Variants in ATP1B2 observed in about 807,000 individuals in gnomAD.
ATP1B2 encodes sodium/potassium-transporting ATPase subunit beta-2.
In ATP1B2, 12 loss-of-function variants were observed where a neutral mutation model predicts 37.3. The observed-to-expected ratio is 0.32, with a 90% CI of 0.21 to 0.52. The LOEUF (loss-of-function observed/expected upper bound fraction) is 0.52. Ranked by LOEUF, ATP1B2 falls within the 20% of genes least tolerant of loss-of-function variation. ATP1B2 has a pLI of 0.96. For missense variants in ATP1B2, 324 were observed against 391.6 expected, an observed-to-expected ratio of 0.83 and a Z score of 1.46; for synonymous variants, 139 against 140.5, an observed-to-expected ratio of 0.99 and a Z score of 0.07.
chr17:7,649,554 A>AT (rs528991905), upstream of ATP1B2, among the ~76,000 whole-genome samples: 1,745 of 132,678 alleles, frequency 0.013, 13 homozygotes, highest in Non-Finnish European at 0.018. Flanking sequence ...TGCCCAGCTA[A>AT]TTTTTTTTTT....
chr17:7,655,482 G>C lies in ATP1B2; in HGVS notation c.610-45G>C, dbSNP rs771123414. 1 of 1,588,698 alleles carries C rather than the reference G, an allele frequency of 6.3e-7. No individual in the cohort carries two copies. The highest frequency in any genetic ancestry group is 8.6e-7 in the Non-Finnish European group (1 of 1,157,622). ...AAGTCTGGTGAGCTCCTGGGTGCCT[G>C]CCATCCCTAACTGGCTCACCCCCTA... On this transcript the variant is annotated intron_variant, in intron 5 of 6. Transcript: ENST00000250111. This position sits in a 1 kb window ranked among gnomAD's most constrained non-coding sequence, Gnocchi z 4.4.
intron 2 of ATP1B2, 89 bp from the exon 3 acceptor site, chr17:7,653,752 C>T: frequency 1.4e-6 from 2 of 1,386,734 alleles, no homozygotes; most frequent in South Asian, 1.2e-5. Flanking sequence ...GCTGTCCCCA[C>T]TCTGGTGTTC....
upstream of ATP1B2, among the ~76,000 whole-genome samples, chr17:7,649,368 C>G (rs2072594559): frequency 6.6e-6 from 1 of 152,064 alleles, no homozygotes; most frequent in African/African-American, 2.4e-5. Context: ...GCCACTGGGC[C>G]TGGCCGAGAT....
At chr17:7,649,554 AT>A (rs528991905), upstream of ATP1B2, among the ~76,000 whole-genome samples, 2,244 of 132,616 alleles carry the variant, frequency 0.017, 47 homozygotes, top group African/African-American at 0.05. Flanking sequence ...TGCCCAGCTA[AT>A]TTTTTTTTTT....
chr17:7,656,410 T>C lies in ATP1B2; in HGVS notation c.*515T>C, dbSNP rs958089702. Reference sequence around the variant, plus strand: ...TTTCTCCCTGTCTACACAGTCGCCATCTTGGTGACTTTGAATTTATCTGGC... The same window carrying C: ...TTTCTCCCTGTCTACACAGTCGCCACCTTGGTGACTTTGAATTTATCTGGC... On this transcript the variant is annotated 3_prime_UTR_variant, in exon 7 of 7. Transcript: ENST00000250111. 6.3e-6 allele frequency: 1 copy of C among 158,214 alleles called. No homozygotes were observed. Among genetic ancestry groups the C allele is most frequent in the African/African-American group, 2.4e-5 (1 of 41,506 alleles). The allele number at this position is 158,214 out of a possible 1,614,324, so 9.8% of individuals were successfully genotyped here. A position where few individuals can be genotyped will look rare whatever the true frequency, so the allele number is the denominator to read the frequency against.
Position 7,655,272 on chromosome 17 carries a change from A to T in ATP1B2, c.610-255A>T, listed in dbSNP as rs1171719597. On this transcript the variant is annotated intron_variant, in intron 5 of 6. Coordinates refer to ENST00000250111, the MANE Select transcript of ATP1B2 (RefSeq NM_001678.5). The surrounding 1 kb of genome is among the most constrained non-coding windows in gnomAD (Gnocchi z 4.4). ...TGAGGATGGGGTAAGAACTTGGGGT[A>T]GGAGTGGAGTAGGAGGCTTTCGTGC... is the stretch of plus-strand genomic sequence containing the variant. 2 of 551,082 alleles carry T rather than the reference A, an allele frequency of 3.6e-6. No individual in the cohort carries two copies. Among genetic ancestry groups the T allele is most frequent in the Admixed American group, 3.3e-5 (1 of 30,134 alleles). The allele number at this position is 551,082 out of a possible 1,614,324, so 34.1% of individuals were successfully genotyped here. A position where few individuals can be genotyped will look rare whatever the true frequency, so the allele number is the denominator to read the frequency against.
At chr17:7,649,817 C>T (rs2072598699), upstream of ATP1B2, among the ~76,000 whole-genome samples, 1 of 151,950 alleles carries the variant, frequency 6.6e-6, no homozygotes, top group African/African-American at 2.4e-5. Context: ...CTCGGCCTCC[C>T]AAAGTGCTGG....
Position 7,651,480 on chromosome 17 carries a change from C to T in ATP1B2, c.-39C>T, listed in dbSNP as rs560489117. On this transcript the variant is annotated 5_prime_UTR_variant, in exon 1 of 7. Transcript: ENST00000250111. Reference sequence around the variant, plus strand: ...GCGCGGCGCCCCCGCTTCTCCGCAACCCCCCGCCCCGCGCCCGGACTCGCC... The same window carrying T: ...GCGCGGCGCCCCCGCTTCTCCGCAATCCCCCGCCCCGCGCCCGGACTCGCC... 9 of 1,529,412 alleles carry T rather than the reference C, an allele frequency of 5.9e-6. No individual in the cohort carries two copies. Among genetic ancestry groups the T allele is most frequent in the African/African-American group, 4.1e-5 (3 of 72,604 alleles). The allele number at this position is 1,529,412 out of a possible 1,614,324, so 94.7% of individuals were successfully genotyped here.
In ATP1B2 at chr17:7,655,031, C is replaced by T. The variant is rs1224416137; in HGVS notation, c.609+347C>T. Among the ~76,000 whole-genome samples the T allele has an allele frequency of 6.6e-6, 1 of 152,122 alleles. No individual in the cohort carries two copies. Among genetic ancestry groups the T allele is most frequent in the Non-Finnish European group, 1.5e-5 (1 of 68,032 alleles). ...ATCGTTCGCTCTCCCTCCCATATGGCCCCCACCCGTCAGTTCCTTCTAGGT... is the reference window on the plus strand; with the variant it reads ...ATCGTTCGCTCTCCCTCCCATATGGTCCCCACCCGTCAGTTCCTTCTAGGT... On this transcript the variant is annotated intron_variant, in intron 5 of 6. Transcript: ENST00000250111. This position sits in a 1 kb window ranked among gnomAD's most constrained non-coding sequence, Gnocchi z 4.4.
upstream of ATP1B2, among the ~76,000 whole-genome samples, chr17:7,650,461 C>T (rs189567824): frequency 6.6e-6 from 1 of 152,188 alleles, no homozygotes; most frequent in African/African-American, 2.4e-5. Context: ...TCCTAGCTTC[C>T]CTCCTGGCTC....
In ATP1B2 at chr17:7,654,186, T is replaced by G; in HGVS notation, c.481T>G (p.Ser161Ala). ...CAACCGGACCCAGCTGGGCAACTGC[T>G]CCGGCATTGGGGACTCCACCCACTA... ...QFNRTQLGNC[S>A]GIGDSTHYGY... Residue 161 changes from serine (S) to alanine (A), a missense_variant, in exon 4 of 7, where the codon TCC becomes GCC. Transcript: ENST00000250111. This position sits in a 1 kb window ranked among gnomAD's most constrained non-coding sequence, Gnocchi z 4.9. 1 of 1,614,176 alleles carries G rather than the reference T, an allele frequency of 6.2e-7. No individual in the cohort carries two copies. Among genetic ancestry groups the G allele is most frequent in the Non-Finnish European group, 8.5e-7 (1 of 1,180,028 alleles).
chr17:7,656,179 T>A lies in ATP1B2; in HGVS notation c.*284T>A. The stretch of plus-strand genomic sequence containing the variant: ...GGAGCCTTTCTAGTTCTGGTTTAGC[T>A]GTGAGAGCTATCCACTCTCCTGCCT... On this transcript the variant is annotated 3_prime_UTR_variant, in exon 7 of 7. Transcript: ENST00000250111. 1 of 469,956 alleles carries A rather than the reference T, an allele frequency of 2.1e-6. No homozygotes were observed. The allele number at this position is 469,956 out of a possible 1,614,324, so 29.1% of individuals were successfully genotyped here. A position where few individuals can be genotyped will look rare whatever the true frequency, so the allele number is the denominator to read the frequency against.
chr17:7,654,981 TCTC>T lies in ATP1B2; in HGVS notation c.609+300_609+302del, dbSNP rs1312597105. ...GCTTCTCTCCCTAACGCTTCCACCT[TCTC>T]CTTCATTCCCAGATTGTCCGTATCG... On this transcript the variant is annotated intron_variant, in intron 5 of 6. Coordinates refer to ENST00000250111, the MANE Select transcript of ATP1B2 (RefSeq NM_001678.5). The surrounding 1 kb of genome is among the most constrained non-coding windows in gnomAD (Gnocchi z 4.9). Among the ~76,000 whole-genome samples the T allele has an allele frequency of 1.3e-5, 2 of 151,884 alleles. No homozygotes were observed. Among genetic ancestry groups the T allele is most frequent in the Admixed American group, 6.6e-5 (1 of 15,234 alleles).
intron 1 of ATP1B2, 113 bp downstream of exon 1, chr17:7,651,743 C>G (rs1042071084): frequency 2.2e-6 from 2 of 925,590 alleles, no homozygotes; most frequent in African/African-American, 1.8e-5. Context: ...GGCGTCCAGC[C>G]TCCCTGCCGG....
Position 7,656,534 on chromosome 17 carries a change from T to C in ATP1B2, c.*639T>C. Reference sequence around the variant, plus strand: ...AGGTGGTTCTGTGGCCTTTTCCCTCTTTGCTGGCACGTTCTGCTTCTCACC... The same window carrying C: ...AGGTGGTTCTGTGGCCTTTTCCCTCCTTGCTGGCACGTTCTGCTTCTCACC... On this transcript the variant is annotated 3_prime_UTR_variant, in exon 7 of 7. Transcript: ENST00000250111. The C allele has an allele frequency of 6.5e-6, 1 of 153,270 alleles. No homozygotes were observed. The highest frequency in any genetic ancestry group is 1.9e-4 in the East Asian group (1 of 5,208). The allele number at this position is 153,270 out of a possible 1,614,324, so 9.5% of individuals were successfully genotyped here. A position where few individuals can be genotyped will look rare whatever the true frequency, so the allele number is the denominator to read the frequency against.
chr17:7,653,987 C>T, intron 3 of ATP1B2, 42 bp downstream of exon 3: 1 of 1,613,154 alleles, frequency 6.2e-7, no homozygotes, highest in Non-Finnish European at 8.5e-7. Flanking sequence ...AGACTTCGGG[C>T]AGGGGACTGG....
intron 3 of ATP1B2, 21 bp downstream of exon 3, chr17:7,653,966 G>A (rs376672732): frequency 4.2e-5 from 67 of 1,613,830 alleles, no homozygotes; most frequent in African/African-American, 6.7e-5. Context: ...GCCTGGTTAT[G>A]TGTCAGTTCA....
In ATP1B2 at chr17:7,651,389, A is replaced by AG. The variant is rs1298644164; in HGVS notation, c.-124dup. 6.5e-6 allele frequency: 5 copies of AG among 765,260 alleles called. No homozygotes were observed. Among genetic ancestry groups the AG allele is most frequent in the South Asian group, 3.2e-5 (2 of 62,612 alleles). The allele number at this position is 765,260 out of a possible 1,614,324, so 47.4% of individuals were successfully genotyped here. Reference sequence around the variant, plus strand: ...GGAATCTGCAGCAGCTGCATATCTGAGGGGGGTCTCCTTTGCCCGCGCCGC... The same window carrying AG: ...GGAATCTGCAGCAGCTGCATATCTGAGGGGGGGTCTCCTTTGCCCGCGCCGC... On this transcript the variant is annotated 5_prime_UTR_variant, in exon 1 of 7. Transcript: ENST00000250111.
chr17:7,653,722 G>C (rs960092356), intron 2 of ATP1B2, 119 bp from the exon 3 acceptor site: 2 of 1,270,666 alleles, frequency 1.6e-6, no homozygotes, highest in African/African-American at 3.0e-5. Flanking sequence ...CTCCCATGAA[G>C]ACGATCTCAG....
Sources: gnomAD v4.1 joint callset for allele counts (sites outside exome capture counted in the v4.1 genomes callset) on GRCh38, gnomAD v4.1.1 for gene constraint, Gnocchi (gnomAD v3.1) non-coding constraint, MANE v1.5 for transcripts, NCBI Gene and HGNC (gene_info 2026-07-23, HGNC 2026-07-21) for gene names.